Variants in SOX5 observed in about 807,000 individuals in gnomAD.
SOX5 encodes the protein SRY-box transcription factor 5, also known as transcription factor SOX-5.
In SOX5, 9 loss-of-function variants were observed where a neutral mutation model predicts 92.0. The observed-to-expected ratio is 0.10, with a 90% CI of 0.06 to 0.17. The LOEUF (loss-of-function observed/expected upper bound fraction) is 0.17, where lower values mean the gene tolerates loss of function less well. Ranked by LOEUF, SOX5 falls within the 10% of genes least tolerant of loss-of-function variation. The pLI is 1.00. For synonymous variants in SOX5, 344 were observed against 336.3 expected (o/e 1.02, Z -0.25); for missense variants, 642 against 944.5 (o/e 0.68, Z 4.20).
chr12:24,427,671 T>C (rs777649156), intron 1 of SOX5, among the ~76,000 whole-genome samples: 2 of 152,234 alleles, frequency 1.3e-5, no homozygotes, highest in African/African-American at 2.4e-5. Flanking sequence ...TCCATCTCTT[T>C]GAGATCTTTT....
intron 4 of SOX5, among the ~76,000 whole-genome samples, chr12:24,171,935 T>A (rs867044201): frequency 1.6e-4 from 25 of 152,024 alleles, no homozygotes; most frequent in African/African-American, 5.3e-4. Flanking sequence ...GTCTTGAAGT[T>A]AGGGTTAGAG....
chr12:24,109,214 T>C (rs529264461), intron 4 of SOX5, among the ~76,000 whole-genome samples: 1 of 152,280 alleles, frequency 6.6e-6, no homozygotes, highest in African/African-American at 2.4e-5. Flanking sequence ...TTCTTTCACT[T>C]GCTATTCTTG....
At chr12:24,207,341 C>T (rs542004596) in intron 4 of SOX5, among the ~76,000 whole-genome samples, 6 of 151,890 alleles carry the variant, frequency 4.0e-5, no homozygotes, top group African/African-American at 1.2e-4. Context: ...TTCCTATAAC[C>T]GAGAACAATA....
chr12:24,104,551 G>T (rs1946457356), intron 4 of SOX5, among the ~76,000 whole-genome samples: 1 of 152,170 alleles, frequency 6.6e-6, no homozygotes, highest in Admixed American at 6.5e-5. Context: ...TATAGAGAAT[G>T]CTTGGTGACA....
At position 23,561,966 on chromosome 12, in the gene SOX5, TA is replaced by T. The variant is rs199675976; in HGVS notation, c.1488+1291del. 7.3e-3 allele frequency among the ~76,000 whole-genome samples: 1,116 copies of T among 152,308 alleles called. 14 individuals are homozygous for T. The highest frequency in any genetic ancestry group is 0.025 in the African/African-American group (1,051 of 41,562). On this transcript the variant is annotated intron_variant, in intron 11 of 14. Coordinates refer to ENST00000451604, the MANE Select transcript of SOX5 (RefSeq NM_006940.6). ...TTTGCATTAGCATCTGGCTGAGTGTTAAACTCATTTCTACGTGGGGAGCAGA... is the reference window on the plus strand; with the variant it reads ...TTTGCATTAGCATCTGGCTGAGTGTTAACTCATTTCTACGTGGGGAGCAGA...
intron 2 of SOX5, among the ~76,000 whole-genome samples, chr12:24,364,573 C>T (rs1300789688): frequency 8.1e-6 from 1 of 123,762 alleles, no homozygotes; most frequent in African/African-American, 3.0e-5. Context: ...TTATTCTTTA[C>T]ATAAGTGAGA....
At chr12:24,262,332 G>A (rs189699533) in intron 3 of SOX5, among the ~76,000 whole-genome samples, 1 of 152,290 alleles carries the variant, frequency 6.6e-6, no homozygotes, top group East Asian at 1.9e-4. Context: ...GGCATTCAAA[G>A]ACACATCTCC....
chr12:24,076,411 C>G (rs1942602350), intron 4 of SOX5, among the ~76,000 whole-genome samples: 1 of 151,982 alleles, frequency 6.6e-6, no homozygotes, highest in Non-Finnish European at 1.5e-5. Context: ...AGACTCTGAC[C>G]AAAAAAATCC....
chr12:24,286,223 G>A (rs1945846639), intron 2 of SOX5, among the ~76,000 whole-genome samples: 1 of 152,176 alleles, frequency 6.6e-6, no homozygotes, highest in Non-Finnish European at 1.5e-5. Context: ...TAATTGTAGT[G>A]TCCAATCAAA....
At chr12:23,841,907 T>C (rs2971154) in intron 3 of SOX5, among the ~76,000 whole-genome samples, 48,887 of 151,990 alleles carry the variant, frequency 0.32, 8,567 homozygotes, top group Middle Eastern at 0.43. Context: ...TTATACATTG[T>C]ACATTTCTAT....
At chr12:23,576,215 G>C (rs1394388602) in intron 9 of SOX5, among the ~76,000 whole-genome samples, 1 of 151,550 alleles carries the variant, frequency 6.6e-6, no homozygotes, top group Non-Finnish European at 1.5e-5. Context: ...CCAAAGAAAA[G>C]GGGTTGGATC....
chr12:23,747,294 T>A lies in SOX5; in HGVS notation c.569-6255A>T, dbSNP rs949965540. Among the ~76,000 whole-genome samples the A allele has an allele frequency of 2.0e-5, 3 of 152,140 alleles. No homozygotes were observed. In the East Asian group the frequency reaches 5.8e-4, roughly 29 times the overall value. On this transcript the variant is annotated intron_variant, in intron 4 of 14. Coordinates refer to ENST00000451604, the MANE Select transcript of SOX5 (RefSeq NM_006940.6). ...CATCTCTTGCCTTTACTACAACAAT[T>A]GCTTTCTAGTCATTGTCTCTATTTC...
chr12:23,861,986 AT>A (rs1318419441), intron 2 of SOX5, among the ~76,000 whole-genome samples: 1 of 152,166 alleles, frequency 6.6e-6, no homozygotes. Flanking sequence ...TTAATTATAC[AT>A]TTTTGGGTTT....
intron 4 of SOX5, among the ~76,000 whole-genome samples, chr12:24,143,847 G>C (rs927001569): frequency 6.6e-6 from 1 of 151,168 alleles, no homozygotes; most frequent in African/African-American, 2.4e-5. Context: ...AGGAAGAGGA[G>C]GAGGAAAGAA....
intron 4 of SOX5, among the ~76,000 whole-genome samples, chr12:23,968,050 A>C (rs1168021281): frequency 6.6e-6 from 1 of 152,222 alleles, no homozygotes; most frequent in Non-Finnish European, 1.5e-5. Context: ...ATTATAAAGA[A>C]TAGGGCACAC....
rs534602804 is a variant in SOX5, at chr12:24,055,180, G to C, written c.-2+158163C>G. 2.0e-4 allele frequency among the ~76,000 whole-genome samples: 30 copies of C among 152,262 alleles called. No individual in the cohort carries two copies. The South Asian group carries it at 3.7e-3, about 19-fold the overall frequency. ...TCAGCAGGAGAACGTTTCATCCCAA[G>C]GATCATTTAGACTTAGGCCAAGCAG... On this transcript the variant is annotated intron_variant, in intron 4 of 4. Coordinates refer to the SOX5 transcript ENST00000446891.
upstream of SOX5, among the ~76,000 whole-genome samples, chr12:23,952,331 C>A (rs1045514563): frequency 6.6e-6 from 1 of 152,122 alleles, no homozygotes; most frequent in Non-Finnish European, 1.5e-5. Flanking sequence ...TGCTGTCTTG[C>A]TACAGCTACT....
intron 6 of SOX5, among the ~76,000 whole-genome samples, chr12:23,702,886 A>T (rs1450640392): frequency 6.6e-6 from 1 of 152,094 alleles, no homozygotes; most frequent in Admixed American, 6.6e-5. Context: ...AAAAGGCCAC[A>T]ATGAGTGCAA....
At chr12:24,095,170 G>C (rs1252757650) in intron 4 of SOX5, among the ~76,000 whole-genome samples, 2 of 150,864 alleles carry the variant, frequency 1.3e-5, no homozygotes, top group Non-Finnish European at 3.0e-5. Context: ...GAGACAGAGA[G>C]ACAGAGACAG....
Sources: allele counts gnomAD v4.1 joint callset (sites outside exome capture counted in the v4.1 genomes callset), GRCh38; gene constraint gnomAD v4.1.1; transcripts MANE v1.5; gene names NCBI Gene and HGNC (gene_info 2026-07-23, HGNC 2026-07-21).